Variants in PARD3B observed in about 807,000 individuals in gnomAD.
The protein encoded by PARD3B is partitioning defective 3 homolog B.
In PARD3B, 103 loss-of-function variants were observed where a neutral mutation model predicts 130.2. That is an observed-to-expected ratio of 0.79 (90% CI 0.67 to 0.93). PARD3B has a LOEUF of 0.93. Ranked by LOEUF, PARD3B falls within the 40% of genes least tolerant of loss-of-function variation. PARD3B has a pLI of 0.00. For synonymous variants in PARD3B, 583 were observed against 553.2 expected, an observed-to-expected ratio of 1.05 and a Z score of -0.76; for missense variants, 1,609 against 1,499.2, an observed-to-expected ratio of 1.07 and a Z score of -1.21.
At chr2:204,763,339 G>A (rs1179417244) in intron 2 of PARD3B, among the ~76,000 whole-genome samples, 22 of 152,006 alleles carry the variant, frequency 1.4e-4, no homozygotes, top group Admixed American at 1.4e-3. Flanking sequence ...TTTTAATTTG[G>A]TTTTACAGAT....
chr2:205,426,493 T>A (rs1019645233), intron 19 of PARD3B, among the ~76,000 whole-genome samples: 1 of 152,202 alleles, frequency 6.6e-6, no homozygotes, highest in Non-Finnish European at 1.5e-5. Flanking sequence ...GTTTATAATC[T>A]CTTTTAATGA....
chr2:205,290,770 T>C (rs1261292712), intron 16 of PARD3B, among the ~76,000 whole-genome samples: 2 of 152,154 alleles, frequency 1.3e-5, no homozygotes, highest in African/African-American at 2.4e-5. Flanking sequence ...ATGATGGTAT[T>C]AGTAGATAGG....
At chr2:205,252,867 AAGG>A (rs1248151366) in intron 16 of PARD3B, among the ~76,000 whole-genome samples, 1 of 142,970 alleles carries the variant, frequency 7.0e-6, no homozygotes, top group Non-Finnish European at 1.5e-5. Context: ...AAAAAAAAAA[AAGG>A]AGAGAGAGAC....
chr2:204,562,345 G>A (rs1052156696), intron 1 of PARD3B, among the ~76,000 whole-genome samples: 1 of 152,176 alleles, frequency 6.6e-6, no homozygotes, highest in Admixed American at 6.5e-5. Context: ...TTTATCCAAA[G>A]TGTGAGGCTG....
intron 1 of PARD3B, among the ~76,000 whole-genome samples, chr2:204,603,833 T>A (rs1174743664): frequency 6.6e-6 from 1 of 152,160 alleles, no homozygotes. Flanking sequence ...TGTGTTTATT[T>A]TCTGGCTAAA....
Position 205,245,090 on chromosome 2 carries a change from C to T in PARD3B, c.2141-688C>T, listed in dbSNP as rs187389114. On this transcript the variant is annotated intron_variant, in intron 15 of 22. Coordinates refer to ENST00000406610, the MANE Select transcript of PARD3B (RefSeq NM_001302769.2). The stretch of plus-strand genomic sequence containing the variant: ...CTGCAACCTCTGTCTGCTTTGGCTT[C>T]CTGGGATGCCCAGCACCATGCCCTC... Among the ~76,000 whole-genome samples the T allele has an allele frequency of 4.0e-3, 605 of 152,300 alleles. 4 individuals are homozygous for T. The highest frequency in any genetic ancestry group is 5.9e-3 in the Non-Finnish European group (403 of 68,026).
At chr2:205,178,756 A>G (rs1259878932) in intron 13 of PARD3B, among the ~76,000 whole-genome samples, 1 of 152,220 alleles carries the variant, frequency 6.6e-6, no homozygotes, top group Non-Finnish European at 1.5e-5. Context: ...TTTAATGTCT[A>G]TAAAATACAG....
In PARD3B at chr2:205,253,597, G is replaced by C; in HGVS notation, c.2185+7775G>C. ...CTCTTCAGAGCCCAGCAGAAAGACAGAGAAAGAAGCCTCCTTGGGGTTCCA... is the reference window on the plus strand; with the variant it reads ...CTCTTCAGAGCCCAGCAGAAAGACACAGAAAGAAGCCTCCTTGGGGTTCCA... On this transcript the variant is annotated intron_variant, in intron 16 of 22. Transcript: ENST00000406610. This position sits in a 1 kb window ranked among gnomAD's most constrained non-coding sequence, Gnocchi z 4.4. 2.5e-6 allele frequency: 1 copy of C among 399,466 alleles called. No individual in the cohort carries two copies. Among genetic ancestry groups the C allele is most frequent in the South Asian group, 2.0e-5 (1 of 50,962 alleles). The allele number at this position is 399,466 out of a possible 1,614,324, so 24.7% of individuals were successfully genotyped here. A position where few individuals can be genotyped will look rare whatever the true frequency, so the allele number is the denominator to read the frequency against.
intron 3 of PARD3B, among the ~76,000 whole-genome samples, chr2:205,009,810 C>T (rs983499462): frequency 6.6e-6 from 1 of 151,970 alleles, no homozygotes; most frequent in South Asian, 2.1e-4. Context: ...ATGACAAGTA[C>T]ATATTATCTA....
intron 15 of PARD3B, among the ~76,000 whole-genome samples, chr2:205,217,193 G>A (rs2037960948): frequency 6.6e-6 from 1 of 152,158 alleles, no homozygotes; most frequent in Non-Finnish European, 1.5e-5. Flanking sequence ...GGAAAACAGG[G>A]TTGTAGGTGG....
intron 2 of PARD3B, among the ~76,000 whole-genome samples, chr2:204,712,713 G>C (rs2038516210): frequency 6.6e-6 from 1 of 150,438 alleles, no homozygotes; most frequent in South Asian, 2.1e-4. Flanking sequence ...ATGATTGATA[G>C]ATAAAGCAAT....
In PARD3B at chr2:204,546,016, G is replaced by T. The variant is rs980990963; in HGVS notation, c.17G>T (p.Cys6Phe). 6.4e-7 allele frequency: 1 copy of T among 1,568,270 alleles called. No individual in the cohort carries two copies. The highest frequency in any genetic ancestry group is 8.7e-7 in the Non-Finnish European group (1 of 1,155,906). MKVTV[C>F]FGRTGIVVPC... ...GGGGCCAGGATGAAAGTGACCGTGT[G>T]CTTCGGCAGGACGGGCATCGTGGTG... The change falls in exon 1 of 23, where the codon TGC becomes TTC. Residue 6 changes from cysteine (C) to phenylalanine (F), a missense_variant. Cys to Phe is a radical substitution (Grantham distance 205). Coordinates refer to ENST00000406610, the MANE Select transcript of PARD3B (RefSeq NM_001302769.2).
intron 1 of PARD3B, among the ~76,000 whole-genome samples, chr2:204,569,368 T>G (rs765776903): frequency 2.0e-5 from 3 of 152,216 alleles, no homozygotes; most frequent in Non-Finnish European, 4.4e-5. Flanking sequence ...CCAATTCAGA[T>G]AGTAGATTTG....
chr2:204,644,316 A>C (rs1315549501), intron 1 of PARD3B, among the ~76,000 whole-genome samples: 1 of 152,152 alleles, frequency 6.6e-6, no homozygotes, highest in East Asian at 1.9e-4. Context: ...CATGGTATAC[A>C]TATCAAGCAA....
chr2:204,598,206 T>G (rs1280368331), intron 1 of PARD3B, among the ~76,000 whole-genome samples: 1 of 152,224 alleles, frequency 6.6e-6, no homozygotes, highest in East Asian at 1.9e-4. Flanking sequence ...CTTACCTGTT[T>G]CCTGGGTAGT....
intron 19 of PARD3B, among the ~76,000 whole-genome samples, chr2:205,424,052 C>G (rs1325335701): frequency 6.6e-6 from 1 of 152,136 alleles, no homozygotes; most frequent in East Asian, 1.9e-4. Flanking sequence ...ATCTATTTAA[C>G]AAACCTGCAC....
At chr2:204,636,901 A>G (rs1195294399) in intron 1 of PARD3B, among the ~76,000 whole-genome samples, 1 of 152,096 alleles carries the variant, frequency 6.6e-6, no homozygotes, top group African/African-American at 2.4e-5. Flanking sequence ...ACCCCTTTAC[A>G]GTATCTTCAT....
At chr2:205,279,680 T>G (rs1421619405) in intron 16 of PARD3B, among the ~76,000 whole-genome samples, 1 of 152,178 alleles carries the variant, frequency 6.6e-6, no homozygotes, top group African/African-American at 2.4e-5. Context: ...CGTCATGGCA[T>G]GCAGGAGTCT....
At chr2:205,181,430 G>C (rs1278863470) in intron 13 of PARD3B, among the ~76,000 whole-genome samples, 2 of 152,198 alleles carry the variant, frequency 1.3e-5, no homozygotes, top group South Asian at 2.1e-4. Context: ...TTGTCCTTAA[G>C]AATAGTCTGA....
Sources: gnomAD v4.1 joint callset for allele counts (sites outside exome capture counted in the v4.1 genomes callset) on GRCh38, gnomAD v4.1.1 for gene constraint, Gnocchi (gnomAD v3.1) non-coding constraint, MANE v1.5 for transcripts, NCBI Gene and HGNC (gene_info 2026-07-23, HGNC 2026-07-21) for gene names.